USP53: variants seen among roughly 807,000 people sequenced by gnomAD.
The protein encoded by USP53 is ubiquitin specific peptidase 53.
In USP53, 71 loss-of-function variants were observed where a neutral mutation model predicts 94.9. The ratio of observed to expected loss-of-function variants is 0.75; its 90% CI spans 0.62 to 0.91. USP53 has a LOEUF of 0.91. Ranked by LOEUF, USP53 falls within the 40% of genes least tolerant of loss-of-function variation. The probability of loss-of-function intolerance (pLI) is 0.00; values close to 1 mark genes in which losing one functional copy is unlikely to be tolerated. For missense variants in USP53, 1,173 were observed against 1,281.0 expected (o/e 0.92, Z 1.29); for synonymous variants, 375 against 422.7 (o/e 0.89, Z 1.39).
intron 12 of USP53, among the ~76,000 whole-genome samples, chr4:119,262,954 A>G (rs1750686849): frequency 6.6e-6 from 1 of 152,222 alleles, no homozygotes; most frequent in Non-Finnish European, 1.5e-5. Context: ...GTTGAAAATT[A>G]TTGGTCTTGT....
rs374411692 is a variant in USP53, at chr4:119,292,521, C to T, written c.2532C>T (p.His844=). Residue 844 remains histidine (H), a synonymous_variant, in exon 19 of 19, where the codon CAC becomes CAT. Coordinates refer to ENST00000692078, the MANE Select transcript of USP53 (RefSeq NM_001371395.1). ...CTGAGAGAACAGGTTTGCCTTTTCA[C>T]GTTGATAACTCTGCTTCTGGGAAGA... ...ENSERTGLPF[H]VDNSASGKRV... is the part of the protein sequence containing the mutation. 15 of 1,613,952 alleles carry T rather than the reference C, an allele frequency of 9.3e-6. No homozygotes were observed. In the South Asian group the frequency reaches 1.2e-4, roughly 13 times the overall value.
intron 3 of USP53, among the ~76,000 whole-genome samples, chr4:119,231,330 T>C (rs192654511): frequency 3.9e-4 from 60 of 152,356 alleles, no homozygotes; most frequent in African/African-American, 1.4e-3. Flanking sequence ...AATGTACTTT[T>C]ATTTCTGGAG....
intron 15 of USP53, among the ~76,000 whole-genome samples, chr4:119,270,326 G>A (rs1052395840): frequency 1.3e-5 from 2 of 151,894 alleles, no homozygotes; most frequent in African/African-American, 4.8e-5. Flanking sequence ...TTGAACTGCT[G>A]GCCTCAAACG....
intron 15 of USP53, 43 bp downstream of exon 15, chr4:119,269,880 A>G (rs754572113): frequency 7.8e-7 from 1 of 1,278,504 alleles, no homozygotes; most frequent in Non-Finnish European, 1.0e-6. Context: ...AGGAACTTCT[A>G]AAAATCTTAT....
At chr4:119,273,463 TC>T in intron 16 of USP53, 168 bp from the exon 17 acceptor site, 2 of 492,668 alleles carry the variant, frequency 4.1e-6, no homozygotes, top group East Asian at 6.2e-5. Context: ...ACAGTCTTTA[TC>T]TTCTGTAAAA....
rs1751918803 is a variant in USP53, at chr4:119,271,886, G to A, written c.2026G>A (p.Gly676Ser). The A allele has an allele frequency of 1.2e-6, 2 of 1,614,136 alleles. No individual in the cohort carries two copies. Among genetic ancestry groups the A allele is most frequent in the Non-Finnish European group, 1.7e-6 (2 of 1,180,014 alleles). ...AGGCCTTGTAGAGGGTAAAGTGCAT[G>A]GTGATAATTGGCAGATGCAAAGGAC... ...NKGLVEGKVHGDNWQMQRTES... is the reference protein window; with the variant it reads ...NKGLVEGKVHSDNWQMQRTES... Residue 676 changes from glycine (G) to serine (S), a missense_variant, in exon 16 of 19, where the codon GGT becomes AGT. Coordinates refer to ENST00000692078, the MANE Select transcript of USP53 (RefSeq NM_001371395.1).
rs768187441 is a variant in USP53, at chr4:119,292,935, TAAAG to T, written c.2950_2953del (p.Glu984HisfsTer4). 1.3e-5 allele frequency: 21 copies of T among 1,613,916 alleles called. No individual in the cohort carries two copies. The highest frequency in any genetic ancestry group is 3.3e-5 in the Admixed American group (2 of 59,972). On this transcript the variant is annotated frameshift_variant, in exon 19 of 19. Transcript: ENST00000692078. LOFTEE classifies it low-confidence loss of function (END_TRUNC). Reference sequence around the variant, plus strand: ...GTACACATATGAATGATGAAAGACATAAAGAAACATTTCAAGTGAGAGAATGTTT... The same window carrying T: ...GTACACATATGAATGATGAAAGACATAAACATTTCAAGTGAGAGAATGTTT...
intron 4 of USP53, among the ~76,000 whole-genome samples, chr4:119,236,990 A>G (rs977688781): frequency 6.6e-6 from 1 of 152,156 alleles, no homozygotes; most frequent in Admixed American, 6.5e-5. Flanking sequence ...TGTTTCTTAA[A>G]TAATGGGACT....
intron 12 of USP53, among the ~76,000 whole-genome samples, chr4:119,262,396 A>G (rs1453115457): frequency 6.6e-6 from 1 of 151,930 alleles, no homozygotes; most frequent in Non-Finnish European, 1.5e-5. Flanking sequence ...ACCACTTTCG[A>G]CTCCCTCAAA....
chr4:119,241,783 C>A (rs2149330868), intron 5 of USP53, among the ~76,000 whole-genome samples: 1 of 152,182 alleles, frequency 6.6e-6, no homozygotes, highest in African/African-American at 2.4e-5. Flanking sequence ...TTTGTTATTT[C>A]TTCAAATAAT....
chr4:119,284,871 A>G (rs1228805069), intron 17 of USP53, among the ~76,000 whole-genome samples: 1 of 151,964 alleles, frequency 6.6e-6, no homozygotes, highest in African/African-American at 2.4e-5. Flanking sequence ...TTTGACCATG[A>G]AAATCTCTAA....
intron 3 of USP53, among the ~76,000 whole-genome samples, chr4:119,235,065 A>T (rs989397664): frequency 6.6e-6 from 1 of 152,256 alleles, no homozygotes; most frequent in African/African-American, 2.4e-5. Flanking sequence ...ATCAGAGATG[A>T]CAAGAATGTA....
At chr4:119,273,796 C>T in intron 17 of USP53, 88 bp downstream of exon 17, 3 of 996,676 alleles carry the variant, frequency 3.0e-6, no homozygotes, top group Non-Finnish European at 4.4e-6. Context: ...AGAGAAAATC[C>T]TATATGACTA....
At chr4:119,252,127 C>G (rs999186929) in intron 7 of USP53, among the ~76,000 whole-genome samples, 2 of 152,126 alleles carry the variant, frequency 1.3e-5, no homozygotes, top group Non-Finnish European at 1.5e-5. Context: ...CTGCTGGATT[C>G]GGTTTGCCAG....
At chr4:119,241,665 G>A (rs562004931) in intron 5 of USP53, among the ~76,000 whole-genome samples, 1 of 152,060 alleles carries the variant, frequency 6.6e-6, no homozygotes, top group Non-Finnish European at 1.5e-5. Flanking sequence ...TTGGCTTGAA[G>A]CAATTTAATG....
At chr4:119,261,135 A>T in intron 11 of USP53, among the ~76,000 whole-genome samples, 1 of 151,386 alleles carries the variant, frequency 6.6e-6, no homozygotes, top group East Asian at 1.9e-4. Flanking sequence ...AATTTTTTGT[A>T]TTTTTAGTAG....
At chr4:119,227,875 AG>A (rs1374419417) in intron 3 of USP53, among the ~76,000 whole-genome samples, 1 of 152,222 alleles carries the variant, frequency 6.6e-6, no homozygotes, top group East Asian at 1.9e-4. Flanking sequence ...GATAAGCAAA[AG>A]AATATTACTC....
chr4:119,222,306 G>C (rs914475619), intron 3 of USP53, among the ~76,000 whole-genome samples: 1 of 152,152 alleles, frequency 6.6e-6, no homozygotes, highest in South Asian at 2.1e-4. Context: ...CTTTGAGTTA[G>C]TAACATTCTA....
At position 119,292,600 on chromosome 4, in the gene USP53, G is replaced by C. The variant is rs200994396; in HGVS notation, c.2611G>C (p.Gly871Arg). 529 of 1,613,966 alleles carry C rather than the reference G, an allele frequency of 3.3e-4. No homozygotes were observed. Among genetic ancestry groups the C allele is most frequent in the Middle Eastern group, 9.9e-4 (6 of 6,062 alleles). The change falls in exon 19 of 19, where the codon GGG becomes CGG. Residue 871 changes from glycine to arginine, a missense_variant. Coordinates refer to ENST00000692078, the MANE Select transcript of USP53 (RefSeq NM_001371395.1). ...SLWSSHLRTVGLKPETAPLIQ... is the reference protein window; with the variant it reads ...SLWSSHLRTVRLKPETAPLIQ... ...ATGGTCTTCACACCTAAGAACTGTT[G>C]GGTTAAAGCCAGAAACTGCTCCTCT...
Sources: gnomAD v4.1 joint callset for allele counts (sites outside exome capture counted in the v4.1 genomes callset) on GRCh38, gnomAD v4.1.1 for gene constraint, MANE v1.5 for transcripts, NCBI Gene and HGNC (gene_info 2026-07-23, HGNC 2026-07-21) for gene names.